Variants in BRD7 observed in about 807,000 individuals in gnomAD.
BRD7 encodes bromodomain containing 7, also known as bromodomain-containing protein 7.
In BRD7, 15 loss-of-function variants were observed where a neutral mutation model predicts 82.1. The ratio of observed to expected loss-of-function variants is 0.18; its 90% CI spans 0.12 to 0.28. The LOEUF is 0.28. Among genes scored for constraint, BRD7 ranks in the 10% least tolerant of loss-of-function variants. The probability of loss-of-function intolerance (pLI) is 1.00; values close to 1 mark genes in which losing one functional copy is unlikely to be tolerated. For missense variants in BRD7, 638 were observed against 779.9 expected, an observed-to-expected ratio of 0.82 and a Z score of 2.17; for synonymous variants, 232 against 266.9, an observed-to-expected ratio of 0.87 and a Z score of 1.27.
At chr16:50,341,557 T>G (rs2038053963) in intron 5 of BRD7, among the ~76,000 whole-genome samples, 1 of 150,214 alleles carries the variant, frequency 6.7e-6, no homozygotes, top group South Asian at 2.1e-4. Context: ...GCACAACAAT[T>G]GCTTGAACCC....
intron 4 of BRD7, among the ~76,000 whole-genome samples, chr16:50,353,868 G>T (rs149268135): frequency 0.043 from 6,481 of 152,000 alleles, 175 homozygotes; most frequent in Non-Finnish European, 0.066. Context: ...AAAGTGCTGG[G>T]ACTACAGGCG....
chr16:50,323,961 C>G lies in BRD7; in HGVS notation c.1332-263G>C, dbSNP rs576190857. On this transcript the variant is annotated intron_variant, in intron 11 of 16. Transcript: ENST00000394688. ...GCTCAGTCCCTGGATCTTCTGCTCC[C>G]CGCCCCCTCACTTCCTGTCTGCAGT... 3.3e-5 allele frequency among the ~76,000 whole-genome samples: 5 copies of G among 152,256 alleles called. No homozygotes were observed. In the East Asian group the frequency reaches 9.7e-4, roughly 29 times the overall value.
rs927198646 is a variant in BRD7 at position 50,354,285 on chromosome 16, G to A, written c.446+140C>T. The A allele has an allele frequency of 1.2e-5, 8 of 664,972 alleles. No homozygotes were observed. In the African/African-American group the frequency reaches 1.3e-4, roughly 11 times the overall value. 41.2% of individuals were successfully genotyped at this position (664,972 alleles called of 1,614,324 possible). ...ATCTAAAAGTTAGCCTAGCCTCTTG[G>A]AGTACTTCTGCTGCCAGGCAAAATA... On this transcript the variant is annotated intron_variant, in intron 4 of 16. Coordinates refer to ENST00000394688, the MANE Select transcript of BRD7 (RefSeq NM_013263.5).
intron 16 of BRD7, 149 bp from the exon 17 acceptor site, chr16:50,319,415 T>A (rs1456962835): frequency 1.5e-6 from 1 of 649,784 alleles, no homozygotes; most frequent in African/African-American, 1.8e-5. Context: ...CATTATCAGG[T>A]GATCATTGTG....
intron 9 of BRD7, among the ~76,000 whole-genome samples, chr16:50,326,644 A>T (rs1003496394): frequency 4.6e-5 from 7 of 152,214 alleles, no homozygotes; most frequent in Non-Finnish European, 7.3e-5. Context: ...TGTACACTTC[A>T]CTTAAAAAAT....
intron 4 of BRD7, among the ~76,000 whole-genome samples, chr16:50,353,972 C>T (rs1567283915): frequency 6.6e-6 from 1 of 152,154 alleles, no homozygotes; most frequent in African/African-American, 2.4e-5. Flanking sequence ...AATCTAGGCA[C>T]TGAAATTTTT....
At chr16:50,364,959 A>G (rs555756987) in intron 2 of BRD7, among the ~76,000 whole-genome samples, 1 of 152,252 alleles carries the variant, frequency 6.6e-6, no homozygotes, top group Non-Finnish European at 1.5e-5. Flanking sequence ...CGGAACAAAG[A>G]GCACGTAAGA....
intron 2 of BRD7, among the ~76,000 whole-genome samples, chr16:50,360,152 G>A (rs1429528751): frequency 6.6e-6 from 1 of 152,082 alleles, no homozygotes; most frequent in Non-Finnish European, 1.5e-5. Flanking sequence ...GCTCCCTCTG[G>A]ACAGTGGTCC....
chr16:50,362,065 TTC>T (rs1282716669), intron 2 of BRD7, among the ~76,000 whole-genome samples: 1 of 152,220 alleles, frequency 6.6e-6, no homozygotes, highest in African/African-American at 2.4e-5. Context: ...AAAGAGCCAT[TTC>T]TCTCAGGGCA....
chr16:50,339,970 CT>C lies in BRD7; in HGVS notation c.702+5del. On this transcript the variant is annotated splice_donor_5th_base_variant and intron_variant, in intron 6 of 16. Coordinates refer to ENST00000394688, the MANE Select transcript of BRD7 (RefSeq NM_013263.5). Reference sequence around the variant, plus strand: ...ACTATTATTTATGACAAAGAGTTTCCTTTACCTGGCTAAGAATTTTCATTCC... The same window carrying C: ...ACTATTATTTATGACAAAGAGTTTCCTTACCTGGCTAAGAATTTTCATTCC... 6.5e-7 allele frequency: 1 copy of C among 1,535,078 alleles called. No homozygotes were observed. Among genetic ancestry groups the C allele is most frequent in the Non-Finnish European group, 8.9e-7 (1 of 1,125,238 alleles).
At chr16:50,334,917 C>T (rs1435050072) in intron 6 of BRD7, 22 bp from the exon 7 acceptor site, 2 of 1,602,960 alleles carry the variant, frequency 1.2e-6, no homozygotes, top group Admixed American at 1.7e-5. Context: ...CGAAAATATT[C>T]TTATTATATG....
intron 11 of BRD7, among the ~76,000 whole-genome samples, chr16:50,324,536 T>G (rs1311688738): frequency 6.6e-6 from 1 of 152,198 alleles, no homozygotes; most frequent in Non-Finnish European, 1.5e-5. Flanking sequence ...CTCTTCTGCT[T>G]CTTCCTGCTG....
At chr16:50,353,025 A>G (rs549648537) in intron 4 of BRD7, among the ~76,000 whole-genome samples, 1 of 151,786 alleles carries the variant, frequency 6.6e-6, no homozygotes, top group Non-Finnish European at 1.5e-5. Flanking sequence ...TAAAGACTAG[A>G]TGTAATTTTT....
intron 2 of BRD7, among the ~76,000 whole-genome samples, chr16:50,367,316 G>A (rs747898836): frequency 2.8e-4 from 43 of 152,042 alleles, no homozygotes; most frequent in Non-Finnish European, 5.1e-4. Context: ...CAAACTCCTG[G>A]GCTCAAGGGA....
rs767258863 is a variant in BRD7, at chr16:50,319,921, G to A, written c.1866C>T (p.Pro622=). 35 of 1,612,250 alleles carry A rather than the reference G, an allele frequency of 2.2e-5. No individual in the cohort carries two copies. The highest frequency in any genetic ancestry group is 5.0e-5 in the Admixed American group (3 of 60,002). ...RKAMGISIPS[P]VMENNFVDLT... ...AATCCACAAAGTTGTTTTCCATGAC[G>A]GGGGAAGGAATGGAAATCCCCATTG... Residue 622 remains proline (P), a synonymous_variant, in exon 16 of 17, where the codon CCC becomes CCT. Transcript: ENST00000394688.
chr16:50,357,264 A>G (rs964929599), intron 2 of BRD7, among the ~76,000 whole-genome samples: 1 of 152,164 alleles, frequency 6.6e-6, no homozygotes, highest in East Asian at 1.9e-4. Context: ...ACACTTTGAG[A>G]ATCACTGATC....
chr16:50,341,694 G>C (rs1427564995), intron 5 of BRD7, among the ~76,000 whole-genome samples: 7 of 149,726 alleles, frequency 4.7e-5, no homozygotes, highest in Non-Finnish European at 8.9e-5. Flanking sequence ...GGACGCAAGT[G>C]AACGGAGATA....
Position 50,368,292 on chromosome 16 carries a change from A to G in BRD7, c.56T>C (p.Val19Ala). The G allele has an allele frequency of 3.1e-6, 5 of 1,612,042 alleles. No individual in the cohort carries two copies. Among genetic ancestry groups the G allele is most frequent in the Non-Finnish European group, 4.2e-6 (5 of 1,179,554 alleles). ...KSDKHLYEEY[V>A]EKPLKLVLKV... is the part of the protein sequence containing the mutation. ...GAGGACCAGCTTCAAGGGCTTCTCT[A>G]CATACTCTTAAAAAAAGAAAAGAAA... Residue 19 changes from valine (V) to alanine (A), a missense_variant, in exon 2 of 17, where the codon GTA becomes GCA. Transcript: ENST00000394688.
intron 2 of BRD7, among the ~76,000 whole-genome samples, chr16:50,362,559 C>G (rs890497747): frequency 5.3e-5 from 8 of 152,174 alleles, no homozygotes; most frequent in African/African-American, 1.9e-4. Flanking sequence ...CACATGTCCA[C>G]TGACTGATAA....
Sources: gnomAD v4.1 joint callset for allele counts (sites outside exome capture counted in the v4.1 genomes callset) on GRCh38, gnomAD v4.1.1 for gene constraint, MANE v1.5 for transcripts, NCBI Gene and HGNC (gene_info 2026-07-23, HGNC 2026-07-21) for gene names.